Variants in PGPEP1L observed in about 807,000 individuals in gnomAD.
The protein encoded by PGPEP1L is pyroglutamyl-peptidase I like.
In PGPEP1L, 7 loss-of-function variants were observed where a neutral mutation model predicts 6.0. That is an observed-to-expected ratio of 1.17 (90% CI 0.66 to 2.19). The LOEUF (loss-of-function observed/expected upper bound fraction) is 2.19, where lower values mean the gene tolerates loss of function less well. Among genes scored for constraint, PGPEP1L ranks in the 30% most tolerant of loss-of-function variants. PGPEP1L has a pLI of 0.00. For synonymous variants in PGPEP1L, 103 were observed against 83.9 expected (o/e 1.23, Z -1.24); for missense variants, 209 against 192.5 (o/e 1.09, Z -0.51).
chr15:98,970,507 A>G (rs1426335067), intron 3 of PGPEP1L, among the ~76,000 whole-genome samples: 2 of 119,830 alleles, frequency 1.7e-5, no homozygotes, highest in Non-Finnish European at 3.5e-5. Context: ...TTGATAGTGT[A>G]TGTTTTATTA....
rs137973352 is a variant in PGPEP1L, at chr15:99,002,137, G to C, written c.-142+3292C>G. On this transcript the variant is annotated intron_variant, in intron 2 of 4. Transcript: ENST00000535714. ...AGTGATCCTTCCACGTCAGCCTCCC[G>C]AGTAGCTGGGACCACAGGTGCATGC... is the stretch of plus-strand genomic sequence containing the variant. 6.7e-3 allele frequency among the ~76,000 whole-genome samples: 1,019 copies of C among 152,052 alleles called. 13 individuals are homozygous for C. The highest frequency in any genetic ancestry group is 0.024 in the African/African-American group (979 of 41,442).
At chr15:98,979,878 G>C (rs2017632662) in intron 2 of PGPEP1L, among the ~76,000 whole-genome samples, 1 of 151,700 alleles carries the variant, frequency 6.6e-6, no homozygotes, top group Non-Finnish European at 1.5e-5. Flanking sequence ...TCGAACTCCT[G>C]ACCTTGTGAT....
rs1341474662 is a variant in PGPEP1L, at chr15:98,978,724, A to AT, written c.-141-7567dup. Among the ~76,000 whole-genome samples, 217 of 69,636 alleles carry AT rather than the reference A, an allele frequency of 3.1e-3. 2 individuals carry two copies. The highest frequency in any genetic ancestry group is 0.01 in the African/African-American group (197 of 19,488). The allele number at this position is 69,636 out of a possible 152,430, so 45.7% of individuals were successfully genotyped here. A position where few individuals can be genotyped will look rare whatever the true frequency, so the allele number is the denominator to read the frequency against. On this transcript the variant is annotated intron_variant, in intron 2 of 4. Coordinates refer to ENST00000535714, the MANE Select transcript of PGPEP1L (RefSeq NM_001167902.2). ...AGACTGTGTATATATATATATATATATATTTTTTTTTTTTTTTTTTTTTTG... is the reference window on the plus strand; with the variant it reads ...AGACTGTGTATATATATATATATATATTATTTTTTTTTTTTTTTTTTTTTTG...
intron 2 of PGPEP1L, among the ~76,000 whole-genome samples, chr15:98,980,900 A>G: frequency 6.6e-6 from 1 of 151,418 alleles, no homozygotes; most frequent in Non-Finnish European, 1.5e-5. Flanking sequence ...CCCACTGCAC[A>G]CTAGCCTCAG....
chr15:98,995,296 CATTT>C (rs1306543689), intron 2 of PGPEP1L, among the ~76,000 whole-genome samples: 3 of 152,166 alleles, frequency 2.0e-5, no homozygotes, highest in Admixed American at 6.6e-5. Context: ...ATTTTCTCTT[CATTT>C]GTCTCTAAAC....
intron 2 of PGPEP1L, among the ~76,000 whole-genome samples, chr15:99,004,647 G>A (rs1274486065): frequency 2.6e-5 from 4 of 152,226 alleles, no homozygotes. Flanking sequence ...GAACCCAGGA[G>A]GCGGAGGCTG....
rs370096055 is a variant in PGPEP1L, at chr15:98,969,547, G to A, written c.87C>T (p.Pro29=). ...TGCCAGGTAGGCACACGCCGCCCTC[G>A]GGCCAGAAGCTGCGGATGTCGGCGT... ...YRDADIRSFW[P]EGGVCLPGSP... Residue 29 remains proline, a synonymous_variant, in exon 4 of 5, where the codon CCC becomes CCT. Transcript: ENST00000535714. 2.7e-5 allele frequency: 43 copies of A among 1,613,886 alleles called. No individual in the cohort carries two copies. The African/African-American group carries it at 3.2e-4, about 12-fold the overall frequency.
intron 2 of PGPEP1L, among the ~76,000 whole-genome samples, chr15:98,976,483 A>T (rs1214981930): frequency 6.6e-6 from 1 of 152,242 alleles, no homozygotes; most frequent in Admixed American, 6.5e-5. Flanking sequence ...ATATCACAAC[A>T]ATAAAATCTG....
intron 2 of PGPEP1L, among the ~76,000 whole-genome samples, chr15:99,000,652 T>G (rs1375072828): frequency 3.9e-5 from 6 of 152,134 alleles, no homozygotes; most frequent in African/African-American, 1.4e-4. Context: ...TGGAGAACCT[T>G]TGTATCCACA....
chr15:98,971,046 TGATCTTCCCA>T lies in PGPEP1L; in HGVS notation c.-39_-30del. 6.2e-7 allele frequency: 1 copy of T among 1,613,482 alleles called. No individual in the cohort carries two copies. The highest frequency in any genetic ancestry group is 1.1e-5 in the South Asian group (1 of 91,064). On this transcript the variant is annotated 5_prime_UTR_variant, in exon 3 of 5. Coordinates refer to ENST00000535714, the MANE Select transcript of PGPEP1L (RefSeq NM_001167902.2). The stretch of plus-strand genomic sequence containing the variant: ...CTGGCCATCACTTACTTGCGGCTGA[TGATCTTCCCA>T]GATTCCGGTGACCCTCCGCTTAGCC...
At chr15:99,004,588 C>G (rs1223218692) in intron 2 of PGPEP1L, among the ~76,000 whole-genome samples, 1 of 151,124 alleles carries the variant, frequency 6.6e-6, no homozygotes, top group East Asian at 2.0e-4. Flanking sequence ...CGTGGTGGTG[C>G]GTACCTGTAG....
rs572017625 is a variant in PGPEP1L at position 99,002,043 on chromosome 15, ACT to A, written c.-142+3384_-142+3385del. ...TATTTTTATTTTCAGACAGGATCTCACTCTGTCATGCAGGCTGGAGTGTAGTA... is the reference window on the plus strand; with the variant it reads ...TATTTTTATTTTCAGACAGGATCTCACTGTCATGCAGGCTGGAGTGTAGTA... On this transcript the variant is annotated intron_variant, in intron 2 of 4. Coordinates refer to ENST00000535714, the MANE Select transcript of PGPEP1L (RefSeq NM_001167902.2). 1.1e-4 allele frequency among the ~76,000 whole-genome samples: 16 copies of A among 151,796 alleles called. No individual in the cohort carries two copies. In the South Asian group the frequency reaches 2.3e-3, roughly 22 times the overall value.
At chr15:98,993,588 G>C (rs371431070) in intron 2 of PGPEP1L, among the ~76,000 whole-genome samples, 2 of 145,072 alleles carry the variant, frequency 1.4e-5, no homozygotes, top group African/African-American at 5.1e-5. Context: ...ATCAAACACT[G>C]CATGTTCTCA....
rs1596518829 is a variant in PGPEP1L, at chr15:98,983,863, C to G, written c.-141-12705G>C. Among the ~76,000 whole-genome samples, 7 of 152,208 alleles carry G rather than the reference C, an allele frequency of 4.6e-5. No homozygotes were observed. The South Asian group carries it at 1.5e-3, about 32-fold the overall frequency. On this transcript the variant is annotated intron_variant, in intron 2 of 4. Transcript: ENST00000535714. ...TATCCTTTTCCCATTCATGAGCAAC[C>G]ACAATAAAAATGCATTTGAGTTATT...
intron 2 of PGPEP1L, among the ~76,000 whole-genome samples, chr15:98,981,736 C>T (rs1452718702): frequency 2.0e-5 from 3 of 152,178 alleles, no homozygotes; most frequent in Non-Finnish European, 2.9e-5. Flanking sequence ...ACCATACTAA[C>T]GTACAAGGTT....
chr15:98,978,261 T>C (rs2017598103), intron 2 of PGPEP1L, among the ~76,000 whole-genome samples: 1 of 152,006 alleles, frequency 6.6e-6, no homozygotes, highest in Non-Finnish European at 1.5e-5. Flanking sequence ...GGGCCCAGAG[T>C]GGAACCCGAA....
chr15:98,978,219 G>A (rs2017597290), intron 2 of PGPEP1L, among the ~76,000 whole-genome samples: 1 of 152,244 alleles, frequency 6.6e-6, no homozygotes. Flanking sequence ...ATGCTTCCCT[G>A]ATGAAAGAGA....
At chr15:99,000,295 G>C (rs193127328) in intron 2 of PGPEP1L, among the ~76,000 whole-genome samples, 1 of 151,984 alleles carries the variant, frequency 6.6e-6, no homozygotes, top group Non-Finnish European at 1.5e-5. Context: ...CCCCTCCTCC[G>C]TGGGCTCCTG....
rs1270605142 is a variant in PGPEP1L at position 98,968,682 on chromosome 15, A to G, written c.225T>C (p.Tyr75=). 1.9e-6 allele frequency: 3 copies of G among 1,570,484 alleles called. No homozygotes were observed. The highest frequency in any genetic ancestry group is 2.4e-5 in the East Asian group (1 of 42,496). The part of the protein sequence containing the change: ...SRDAGRYVCD[Y]TYYLSLHHGK... ...CATGATGCAGAGACAGGTAATAGGT[A>G]TAATCACAGACGTATCTGCAACCAC... Residue 75 remains tyrosine (Y), a synonymous_variant, in exon 5 of 5, where the codon TAT becomes TAC. Coordinates refer to ENST00000535714, the MANE Select transcript of PGPEP1L (RefSeq NM_001167902.2).
Sources: gnomAD v4.1 joint callset for allele counts (sites outside exome capture counted in the v4.1 genomes callset) on GRCh38, gnomAD v4.1.1 for gene constraint, MANE v1.5 for transcripts, NCBI Gene and HGNC (gene_info 2026-07-23, HGNC 2026-07-21) for gene names.